The following ARHGAP42 variants were observed in gnomAD, a reference collection of about 807,000 sequenced individuals.
ARHGAP42 encodes rho GTPase-activating protein 42.
In ARHGAP42, 63 loss-of-function variants were observed where a neutral mutation model predicts 125.0. That is an observed-to-expected ratio of 0.50 (90% CI 0.41 to 0.62). ARHGAP42 has a LOEUF of 0.62. ARHGAP42 is among the 20% of genes least tolerant of loss of function. The pLI is 0.00. For synonymous variants in ARHGAP42, 339 were observed against 351.0 expected, an observed-to-expected ratio of 0.97 and a Z score of 0.38; for missense variants, 766 against 1,024.2, an observed-to-expected ratio of 0.75 and a Z score of 3.44.
At position 100,756,217 on chromosome 11, in the gene ARHGAP42, C is replaced by T. The variant is rs1171577291; in HGVS notation, c.155-14126C>T. 4.1e-5 allele frequency among the ~76,000 whole-genome samples: 4 copies of T among 96,710 alleles called. No individual in the cohort carries two copies. In the East Asian group the frequency reaches 9.0e-4, roughly 22 times the overall value. 63.4% of individuals were successfully genotyped at this position (96,710 alleles called of 152,430 possible). On this transcript the variant is annotated intron_variant, in intron 1 of 23. Coordinates refer to ENST00000298815, the MANE Select transcript of ARHGAP42 (RefSeq NM_152432.4). ...CCTGGTCAATACAGTGAGACCTTGT[C>T]TCTACAAAAAAAAAAAAAAAAAAAA...
At chr11:100,864,252 T>G (rs1221933130) in intron 4 of ARHGAP42, among the ~76,000 whole-genome samples, 1 of 151,402 alleles carries the variant, frequency 6.6e-6, no homozygotes, top group Non-Finnish European at 1.5e-5. Context: ...TAGCGCAATC[T>G]CGGCTCACTG....
intron 10 of ARHGAP42, among the ~76,000 whole-genome samples, chr11:100,947,896 C>T (rs1814232049): frequency 6.6e-6 from 1 of 151,888 alleles, no homozygotes; most frequent in South Asian, 2.1e-4. Flanking sequence ...AGTATATCCT[C>T]AAGTAACTAT....
At position 100,943,818 on chromosome 11, in the gene ARHGAP42, G is replaced by A. The variant is rs747626121; in HGVS notation, c.993G>A (p.Lys331=). The A allele has an allele frequency of 5.2e-6, 8 of 1,549,660 alleles. No homozygotes were observed. In the East Asian group the frequency reaches 1.2e-4, roughly 24 times the overall value. The change falls in exon 10 of 24, where the codon AAG becomes AAA. Residue 331 remains lysine (K), a synonymous_variant. Coordinates refer to ENST00000298815, the MANE Select transcript of ARHGAP42 (RefSeq NM_152432.4). The part of the protein sequence containing the change: ...MFKLKSCIRR[K]TDSIDKRFCF... Reference sequence around the variant, plus strand: ...AATTAAAATCTTGTATCCGACGAAAGACAGATTCAATTGACAAACGATTCT... The same window carrying A: ...AATTAAAATCTTGTATCCGACGAAAAACAGATTCAATTGACAAACGATTCT...
chr11:100,919,966 T>C (rs866662786), intron 5 of ARHGAP42, among the ~76,000 whole-genome samples: 11 of 152,342 alleles, frequency 7.2e-5, no homozygotes, highest in Middle Eastern at 3.4e-3. Context: ...CAGCCAGTTG[T>C]TAAACATTTA....
rs1164174842 is a variant in ARHGAP42, at chr11:100,989,723, A to T, written c.*922A>T. On this transcript the variant is annotated 3_prime_UTR_variant, in exon 24 of 24. Transcript: ENST00000298815. ...TAAAACTACAGTATCAAGGCATACA[A>T]CTTAAATTCCACTTGGAAGATTGTA... 3.3e-5 allele frequency: 5 copies of T among 152,368 alleles called. No homozygotes were observed. In the East Asian group the frequency reaches 9.6e-4, roughly 29 times the overall value. The allele number at this position is 152,368 out of a possible 1,614,324, so 9.4% of individuals were successfully genotyped here. A position where few individuals can be genotyped will look rare whatever the true frequency, so the allele number is the denominator to read the frequency against.
chr11:100,699,351 AT>A, intron 1 of ARHGAP42, among the ~76,000 whole-genome samples: 1 of 151,216 alleles, frequency 6.6e-6, no homozygotes, highest in South Asian at 2.1e-4. Context: ...CACCCCATCC[AT>A]TTTGTTAGCC....
chr11:100,973,480 C>T (rs1230407093), intron 18 of ARHGAP42, 146 bp downstream of exon 18: 2 of 839,892 alleles, frequency 2.4e-6, no homozygotes, highest in Non-Finnish European at 3.7e-6. Context: ...TTTTTAAGTG[C>T]TTCTCAAAAT....
intron 22 of ARHGAP42, among the ~76,000 whole-genome samples, chr11:100,984,945 A>G (rs1858636584): frequency 6.6e-6 from 1 of 152,230 alleles, no homozygotes; most frequent in African/African-American, 2.4e-5. Flanking sequence ...TAACACCTGC[A>G]GTTACAGATC....
chr11:100,753,668 C>A (rs1176344505), intron 1 of ARHGAP42, among the ~76,000 whole-genome samples: 1 of 152,230 alleles, frequency 6.6e-6, no homozygotes, highest in Non-Finnish European at 1.5e-5. Flanking sequence ...TCCGCCTGTG[C>A]TGGAGACTGG....
intron 3 of ARHGAP42, among the ~76,000 whole-genome samples, chr11:100,812,952 GGACAAGACT>G (rs1864182289): frequency 6.6e-6 from 1 of 152,180 alleles, no homozygotes; most frequent in East Asian, 1.9e-4. Flanking sequence ...AGACTGTAGA[GGACAAGACT>G]GTGTGCTGAG....
chr11:100,780,917 T>C (rs1863296711), intron 2 of ARHGAP42, among the ~76,000 whole-genome samples: 1 of 152,174 alleles, frequency 6.6e-6, no homozygotes, highest in African/African-American at 2.4e-5. Flanking sequence ...TGGGTGCCTA[T>C]TGGTTAACAT....
At chr11:100,688,000 GTTC>G in intron 1 of ARHGAP42, 168 bp downstream of exon 1, 1 of 671,140 alleles carries the variant, frequency 1.5e-6, no homozygotes, top group South Asian at 2.4e-5. Flanking sequence ...TTCTTGAGGT[GTTC>G]TTTACTTACT....
At chr11:100,776,586 C>T (rs190697074) in intron 2 of ARHGAP42, among the ~76,000 whole-genome samples, 2 of 152,262 alleles carry the variant, frequency 1.3e-5, no homozygotes, top group African/African-American at 4.8e-5. Flanking sequence ...TTTTAACAAT[C>T]CCCCAGCTAT....
chr11:100,704,351 G>T (rs1282620366), intron 1 of ARHGAP42, among the ~76,000 whole-genome samples: 1 of 152,214 alleles, frequency 6.6e-6, no homozygotes, highest in Non-Finnish European at 1.5e-5. Context: ...TTTTGGGACA[G>T]CTTAGAAAGT....
chr11:100,842,183 TG>T lies in ARHGAP42; in HGVS notation c.313-17369del, dbSNP rs551872596. ...CAAAAAATAGTCTGTGTCTTGCTTC[TG>T]GTTGGACAGTTACCTTCACTGAGCA... On this transcript the variant is annotated intron_variant, in intron 3 of 23. Coordinates refer to ENST00000298815, the MANE Select transcript of ARHGAP42 (RefSeq NM_152432.4). Among the ~76,000 whole-genome samples the T allele has an allele frequency of 2.1e-3, 326 of 152,318 alleles. 2 individuals are homozygous for T. The highest frequency in any genetic ancestry group is 7.4e-3 in the African/African-American group (308 of 41,574).
At chr11:100,864,168 T>C (rs1425862826) in intron 4 of ARHGAP42, among the ~76,000 whole-genome samples, 1 of 151,830 alleles carries the variant, frequency 6.6e-6, no homozygotes, top group Non-Finnish European at 1.5e-5. Context: ...GAAGTATAGA[T>C]AGAGCTCTAT....
chr11:100,721,237 A>G (rs1255485044), intron 1 of ARHGAP42, among the ~76,000 whole-genome samples: 1 of 152,132 alleles, frequency 6.6e-6, no homozygotes, highest in Non-Finnish European at 1.5e-5. Flanking sequence ...TAACCCTTCA[A>G]TTCCCTTGTT....
chr11:100,782,943 A>G (rs951045952), intron 2 of ARHGAP42, among the ~76,000 whole-genome samples: 2 of 152,224 alleles, frequency 1.3e-5, no homozygotes, highest in East Asian at 3.8e-4. Context: ...CACACAAAGC[A>G]TGCATTTTAT....
intron 8 of ARHGAP42, 143 bp downstream of exon 8, chr11:100,936,475 G>A (rs1867742040): frequency 2.5e-6 from 3 of 1,177,928 alleles, no homozygotes; most frequent in Non-Finnish European, 3.5e-6. Flanking sequence ...CACAACCAAA[G>A]TGAGGACGTT....
Sources: allele counts gnomAD v4.1 joint callset (sites outside exome capture counted in the v4.1 genomes callset), GRCh38; gene constraint gnomAD v4.1.1; transcripts MANE v1.5; gene names NCBI Gene and HGNC (gene_info 2026-07-23, HGNC 2026-07-21).